ROBO2: variants seen among roughly 807,000 people sequenced by gnomAD.
ROBO2 encodes roundabout homolog 2.
ROBO2 carries 53 observed loss-of-function variants against 160.8 expected under a neutral mutation model. The observed-to-expected ratio is 0.33, with a 90% CI of 0.26 to 0.41. The LOEUF is 0.41. ROBO2 is among the 10% of genes least tolerant of loss of function. ROBO2 has a pLI of 1.00. For missense variants in ROBO2, 1,577 were observed against 1,722.4 expected (o/e 0.92, Z 1.49); for synonymous variants, 664 against 611.7 (o/e 1.09, Z -1.26).
chr3:76,446,020 G>C (rs368407802), intron 2 of ROBO2, among the ~76,000 whole-genome samples: 19 of 152,252 alleles, frequency 1.2e-4, no homozygotes, highest in Admixed American at 3.9e-4. Context: ...ATTCAACATA[G>C]TGTTGGAAGT....
intron 2 of ROBO2, among the ~76,000 whole-genome samples, chr3:76,975,538 C>G (rs557702371): frequency 1.3e-5 from 2 of 152,212 alleles, no homozygotes; most frequent in South Asian, 4.1e-4. Flanking sequence ...GTTACTTGAT[C>G]CCTTTTTAGC....
chr3:77,581,039 G>C (rs193237621), intron 16 of ROBO2, among the ~76,000 whole-genome samples: 2 of 152,074 alleles, frequency 1.3e-5, no homozygotes, highest in East Asian at 3.9e-4. Flanking sequence ...ATTCTAATTG[G>C]GATAACCTGT....
intron 2 of ROBO2, among the ~76,000 whole-genome samples, chr3:77,244,868 A>C (rs1245342302): frequency 8.1e-5 from 11 of 136,380 alleles, no homozygotes; most frequent in Non-Finnish European, 1.6e-4. Flanking sequence ...ACAGAGTGAA[A>C]CTTAGTCTCA....
At chr3:77,387,814 A>G (rs1034217400) in intron 2 of ROBO2, among the ~76,000 whole-genome samples, 2 of 152,080 alleles carry the variant, frequency 1.3e-5, no homozygotes, top group East Asian at 1.9e-4. Flanking sequence ...ATAATTGACT[A>G]TTGCCCTAGC....
intron 6 of ROBO2, among the ~76,000 whole-genome samples, chr3:77,531,657 T>A (rs1269810313): frequency 6.6e-6 from 1 of 152,052 alleles, no homozygotes; most frequent in Non-Finnish European, 1.5e-5. Flanking sequence ...CAACTTGAAA[T>A]TTGGAAAATA....
At chr3:77,424,049 A>T (rs1041208061) in intron 2 of ROBO2, among the ~76,000 whole-genome samples, 1 of 152,148 alleles carries the variant, frequency 6.6e-6, no homozygotes, top group African/African-American at 2.4e-5. Context: ...ATGCTCAGAA[A>T]AATACCTTGA....
At chr3:77,007,006 C>A (rs1474999710) in intron 2 of ROBO2, among the ~76,000 whole-genome samples, 1 of 151,994 alleles carries the variant, frequency 6.6e-6, no homozygotes, top group Non-Finnish European at 1.5e-5. Context: ...TAGTCACAAG[C>A]AAGATAAGAG....
intron 2 of ROBO2, among the ~76,000 whole-genome samples, chr3:76,166,825 C>T (rs1035705726): frequency 6.6e-6 from 1 of 152,198 alleles, no homozygotes; most frequent in Non-Finnish European, 1.5e-5. Context: ...TGACTTCCCT[C>T]TATAAAATTC....
At chr3:76,331,925 C>T (rs1203946156) in intron 2 of ROBO2, among the ~76,000 whole-genome samples, 3 of 152,002 alleles carry the variant, frequency 2.0e-5, no homozygotes, top group African/African-American at 7.3e-5. Flanking sequence ...CTCAGGTGAT[C>T]CGCCCAGCTC....
chr3:77,483,707 ATAT>A (rs963641207), intron 4 of ROBO2, among the ~76,000 whole-genome samples: 18 of 148,212 alleles, frequency 1.2e-4, no homozygotes, highest in East Asian at 5.8e-4. Flanking sequence ...ATAAGTATAT[ATAT>A]TATTATTATA....
rs184340688 is a variant in ROBO2, at chr3:76,029,119, A to T, written c.109+91517A>T. ...GTTTAGCTAAAAGTAGGGGATGGGGATATTCTTTGGAGGAAAAGAATTCTA... is the reference window on the plus strand; with the variant it reads ...GTTTAGCTAAAAGTAGGGGATGGGGTTATTCTTTGGAGGAAAAGAATTCTA... On this transcript the variant is annotated intron_variant, in intron 2 of 26. Transcript: ENST00000487694. 2.6e-5 allele frequency among the ~76,000 whole-genome samples: 4 copies of T among 152,176 alleles called. 1 individual carries two copies. The highest frequency in any genetic ancestry group is 4.1e-4 in the South Asian group (2 of 4,828).
chr3:75,970,502 G>A (rs1179163124), intron 2 of ROBO2, among the ~76,000 whole-genome samples: 2 of 151,490 alleles, frequency 1.3e-5, no homozygotes, highest in African/African-American at 2.4e-5. Context: ...AAAATGAAAT[G>A]TTCTAAACAG....
chr3:76,543,391 G>A (rs1186556994), intron 2 of ROBO2, among the ~76,000 whole-genome samples: 2 of 152,014 alleles, frequency 1.3e-5, no homozygotes, highest in African/African-American at 4.8e-5. Flanking sequence ...ATACACAGAG[G>A]AAAGTCCATG....
At chr3:76,869,342 G>GT (rs34051755) in intron 2 of ROBO2, among the ~76,000 whole-genome samples, 21,734 of 71,158 alleles carry the variant, frequency 0.31, 5,341 homozygotes, top group Non-Finnish European at 0.35. Context: ...AGAAATTGAT[G>GT]TTTTTTTTTT....
rs532255772 is a variant in ROBO2, at chr3:75,947,746, A to G, written c.109+10144A>G. On this transcript the variant is annotated intron_variant, in intron 2 of 26. Transcript: ENST00000487694. ...TGATCAATAAAACCTTTGGGGGCAAAAAGGAGCTATCTTCATCAGACCATT... is the reference window on the plus strand; with the variant it reads ...TGATCAATAAAACCTTTGGGGGCAAGAAGGAGCTATCTTCATCAGACCATT... Among the ~76,000 whole-genome samples, 230 of 152,264 alleles carry G rather than the reference A, an allele frequency of 1.5e-3. 3 individuals carry two copies. Among genetic ancestry groups the G allele is most frequent in the African/African-American group, 5.2e-3 (215 of 41,580 alleles).
At chr3:77,095,155 T>TTATATTTATATATTTA (rs1322661163) in intron 1 of ROBO2, among the ~76,000 whole-genome samples, 1 of 152,076 alleles carries the variant, frequency 6.6e-6, no homozygotes, top group African/African-American at 2.4e-5. Context: ...GTTTTACTTT[T>TTATATTTATATATTTA]TATATTTAGG....
chr3:77,515,270 G>A (rs1016301044), intron 5 of ROBO2, among the ~76,000 whole-genome samples: 1 of 151,626 alleles, frequency 6.6e-6, no homozygotes, highest in Non-Finnish European at 1.5e-5. Flanking sequence ...TGCCATAGTG[G>A]GTCGGTGATG....
At position 76,819,090 on chromosome 3, in the gene ROBO2, C is replaced by T. The variant is rs539308212; in HGVS notation, c.110-278924C>T. 1.5e-3 allele frequency among the ~76,000 whole-genome samples: 225 copies of T among 152,020 alleles called. 1 individual carries two copies. The highest frequency in any genetic ancestry group is 6.8e-3 in the Middle Eastern group (2 of 294). On this transcript the variant is annotated intron_variant, in intron 2 of 26. Coordinates refer to the ROBO2 transcript ENST00000487694. ...AACAAATATTTTTGACTGCCTGTTA[C>T]GGGAAGGGCAATGGAGATTTAGGGC...
intron 2 of ROBO2, among the ~76,000 whole-genome samples, chr3:77,350,380 A>C (rs150281954): frequency 6.6e-6 from 1 of 152,096 alleles, no homozygotes; most frequent in Admixed American, 6.5e-5. Context: ...CTGAATTGTG[A>C]TTTTATGTAT....
Sources: gnomAD v4.1 joint callset for allele counts (sites outside exome capture counted in the v4.1 genomes callset) on GRCh38, gnomAD v4.1.1 for gene constraint, MANE v1.5 for transcripts, NCBI Gene and HGNC (gene_info 2026-07-23, HGNC 2026-07-21) for gene names.